Variants in NLRP7 observed in about 807,000 individuals in gnomAD.
The protein encoded by NLRP7 is NACHT, LRR and PYD domains-containing protein 7.
A neutral mutation model predicts 85.5 loss-of-function variants in NLRP7; 72 were observed. That is an observed-to-expected ratio of 0.84 (90% CI 0.70 to 1.02). NLRP7 has a LOEUF of 1.02. Ranked by LOEUF, NLRP7 falls within the 50% of genes least tolerant of loss-of-function variation. NLRP7 has a pLI of 0.00. For missense variants in NLRP7, 1,243 were observed against 1,219.5 expected, an observed-to-expected ratio of 1.02 and a Z score of -0.29; for synonymous variants, 550 against 505.2, an observed-to-expected ratio of 1.09 and a Z score of -1.19.
At chr19:54,959,759 C>G (rs764536926) in intron 1 of NLRP7, among the ~76,000 whole-genome samples, 2 of 151,882 alleles carry the variant, frequency 1.3e-5, no homozygotes, top group African/African-American at 2.4e-5. Flanking sequence ...GACCAGGAGG[C>G]AAGCACACCT....
intron 1 of NLRP7, among the ~76,000 whole-genome samples, chr19:54,959,636 GA>G (rs2069973635): frequency 6.6e-6 from 1 of 151,606 alleles, no homozygotes; most frequent in Admixed American, 6.6e-5. Flanking sequence ...AACATAGCAA[GA>G]CCCCCATTTC....
At chr19:54,943,926 G>A (rs2146241513) in intron 1 of NLRP7, among the ~76,000 whole-genome samples, 1 of 152,206 alleles carries the variant, frequency 6.6e-6, no homozygotes, top group South Asian at 2.1e-4. Context: ...GGGCTATGCA[G>A]GATGTGCTTT....
chr19:54,945,689 C>A (rs951178669), intron 1 of NLRP7, among the ~76,000 whole-genome samples: 1 of 152,120 alleles, frequency 6.6e-6, no homozygotes, highest in Non-Finnish European at 1.5e-5. Context: ...ACCTCCACCT[C>A]CCAGGTTCAA....
rs755834150 is a variant in NLRP7 at position 54,940,193 on chromosome 19, T to C, written c.626A>G (p.Tyr209Cys). 6.8e-6 allele frequency: 11 copies of C among 1,614,152 alleles called. No homozygotes were observed. In the East Asian group the frequency reaches 2.0e-4, roughly 29 times the overall value. ...GCGGCTGAGCTCCTTGCAGCTGAGG[T>C]AGAACGCGTATCTGAGCGTCGGGCT... Residue 209 changes from tyrosine to cysteine, a missense_variant, in exon 4 of 10, where the codon TAC (tyrosine) becomes TGC (cysteine). Transcript: ENST00000340844.
chr19:54,949,567 C>T (rs2069605079), upstream of NLRP7, among the ~76,000 whole-genome samples: 1 of 151,958 alleles, frequency 6.6e-6, no homozygotes, highest in South Asian at 2.1e-4. Flanking sequence ...ATACCCAGGC[C>T]CTGCAACCAC....
At chr19:54,933,536 G>T in intron 8 of NLRP7, 33 bp downstream of exon 8, 6 of 1,606,864 alleles carry the variant, frequency 3.7e-6, no homozygotes, top group Non-Finnish European at 5.1e-6. Context: ...TTGAATTCAT[G>T]TGCACACACA....
At chr19:54,930,586 A>G in exon 9 of NLRP7, 2 of 1,611,686 alleles carry the variant, frequency 1.2e-6, no homozygotes, top group Non-Finnish European at 1.7e-6. Flanking sequence ...ACTCAAGTCC[A>G]GGTTTGTGAG....
At chr19:54,941,771 A>G in intron 1 of NLRP7, 21 bp from the exon 2 acceptor site, 3 of 1,554,048 alleles carry the variant, frequency 1.9e-6, no homozygotes, top group South Asian at 1.2e-5. Flanking sequence ...AAAAGGAAAA[A>G]CAGTTCACGA....
In NLRP7 at chr19:54,937,612, A is replaced by G. The variant is rs104895537; in HGVS notation, c.2129+432T>C. Among the ~76,000 whole-genome samples, 5,013 of 148,446 alleles carry G rather than the reference A, an allele frequency of 0.034. 267 individuals carry two copies. The highest frequency in any genetic ancestry group is 0.11 in the African/African-American group (4,573 of 40,298). On this transcript the variant is annotated intron_variant, in intron 5 of 9. Transcript: ENST00000340844. The stretch of plus-strand genomic sequence containing the variant: ...GTCTCAGAAAAAATAAAAAATAAAA[A>G]AGGGGCCAGGTGCAGCGGCTCATGC...
At chr19:54,933,224 C>CA (rs1290907702) in intron 8 of NLRP7, among the ~76,000 whole-genome samples, 3 of 152,152 alleles carry the variant, frequency 2.0e-5, no homozygotes, top group African/African-American at 7.2e-5. Context: ...CGGCTCACTG[C>CA]AACCTCCGCC....
chr19:54,950,684 A>C (rs1163728309), upstream of NLRP7, among the ~76,000 whole-genome samples: 7 of 150,810 alleles, frequency 4.6e-5, no homozygotes, highest in Non-Finnish European at 8.9e-5. Flanking sequence ...GTTTTCCCCT[A>C]TCTCAGTATA....
In NLRP7 at chr19:54,934,381, A is replaced by G. The variant is rs112108084; in HGVS notation, c.2471+108T>C. 723 of 1,119,970 alleles carry G rather than the reference A, an allele frequency of 6.5e-4. 2 individuals carry two copies. The African/African-American group carries it at 9.8e-3, about 15-fold the overall frequency. 69.4% of individuals were successfully genotyped at this position (1,119,970 alleles called of 1,614,324 possible). A position where few individuals can be genotyped will look rare whatever the true frequency, so the allele number is the denominator to read the frequency against. ...CGTGCCGGGCCTGAAGCAGGTGTTT[A>G]TTTCAGCAAGAGGCGCCACGTGGGT... On this transcript the variant is annotated intron_variant, in intron 7 of 9. Transcript: ENST00000340844. This position sits in a 1 kb window ranked among gnomAD's most constrained non-coding sequence, Gnocchi z 6.7.
At position 54,962,360 on chromosome 19, in the gene NLRP7, C is replaced by T. The variant is rs1046445771; in HGVS notation, c.-77+3680G>A. Reference sequence around the variant, plus strand: ...TCAGCTCACTGCAACCTCTGCCTCCCAGGTTCCAGCCATTTTCCTGCCTCA... The same window carrying T: ...TCAGCTCACTGCAACCTCTGCCTCCTAGGTTCCAGCCATTTTCCTGCCTCA... On this transcript the variant is annotated intron_variant, in intron 1 of 2. Coordinates refer to the NLRP7 transcript ENST00000587103. Among the ~76,000 whole-genome samples, 4 of 149,238 alleles carry T rather than the reference C, an allele frequency of 2.7e-5. No homozygotes were observed. In the Admixed American group the frequency reaches 2.7e-4, roughly 10 times the overall value.
chr19:54,946,486 C>T (rs371010962), intron 1 of NLRP7, among the ~76,000 whole-genome samples: 30 of 151,424 alleles, frequency 2.0e-4, no homozygotes, highest in East Asian at 1.6e-3. Context: ...TGAGCCACCG[C>T]GCCCAGCCTA....
rs760624365 is a variant in NLRP7 at position 54,923,832 on chromosome 19, A to G, written c.2851T>C (p.Leu951=). ...GGATTCTTTTCTTTCACTTCCTCCA[A>G]CAGCTTCTTGATTTCCAAATTAGTT... The change falls in exon 10 of 10, where the codon TTG becomes CTG. Residue 951 remains leucine, a synonymous_variant. Transcript: ENST00000340844. The G allele has an allele frequency of 1.6e-5, 26 of 1,613,828 alleles. No individual in the cohort carries two copies. The East Asian group carries it at 4.7e-4, about 29-fold the overall frequency.
chr19:54,941,374 T>TC, intron 2 of NLRP7, 61 bp downstream of exon 2: 1 of 1,021,094 alleles, frequency 9.8e-7, no homozygotes, highest in Non-Finnish European at 1.4e-6. Flanking sequence ...AGAACGAGAC[T>TC]CCATCTCAAA....
At chr19:54,941,476 T>A (rs2069221419) in exon 2 of NLRP7, 2 of 1,613,684 alleles carry the variant, frequency 1.2e-6, no homozygotes, top group African/African-American at 2.7e-5. Flanking sequence ...TTCCGTGAGA[T>A]TCATCTCTTC....
chr19:54,929,535 A>G (rs552205622), intron 9 of NLRP7, among the ~76,000 whole-genome samples: 4 of 152,276 alleles, frequency 2.6e-5, no homozygotes, highest in East Asian at 1.9e-4. Context: ...GAAGTGATGA[A>G]GAGCTCGCCA....
chr19:54,940,826 C>CAA (rs11290760), intron 3 of NLRP7, 105 bp downstream of exon 3: 2,819 of 750,082 alleles, frequency 3.8e-3, no homozygotes, highest in South Asian at 5.0e-3. Flanking sequence ...GATTCCGTCT[C>CAA]AAAAAAAAAA....
Sources: gnomAD v4.1 joint callset for allele counts (sites outside exome capture counted in the v4.1 genomes callset) on GRCh38, gnomAD v4.1.1 for gene constraint, Gnocchi (gnomAD v3.1) non-coding constraint, MANE v1.5 for transcripts, NCBI Gene and HGNC (gene_info 2026-07-23, HGNC 2026-07-21) for gene names.